The following KCTD3 variants were observed in gnomAD, a reference collection of about 807,000 sequenced individuals.
KCTD3 encodes the protein BTB/POZ domain-containing protein KCTD3.
In KCTD3, 41 loss-of-function variants were observed where a neutral mutation model predicts 85.8. The ratio of observed to expected loss-of-function variants is 0.48; its 90% CI spans 0.37 to 0.62. The LOEUF is 0.62. Ranked by LOEUF, KCTD3 falls within the 20% of genes least tolerant of loss-of-function variation. The pLI is 0.00. For missense variants in KCTD3, 724 were observed against 989.9 expected (o/e 0.73, Z 3.60); for synonymous variants, 338 against 345.4 (o/e 0.98, Z 0.24).
intron 1 of KCTD3, among the ~76,000 whole-genome samples, chr1:215,572,727 C>A (rs1659414809): frequency 6.6e-6 from 1 of 152,216 alleles, no homozygotes; most frequent in African/African-American, 2.4e-5. Context: ...CATCCCTTAG[C>A]CATTTTGGCT....
chr1:215,577,770 T>C lies in KCTD3; in HGVS notation c.316+42T>C, dbSNP rs6669126. On this transcript the variant is annotated intron_variant, in intron 5 of 17. Transcript: ENST00000259154. ...TATTTGGTGTTTATGATTTGACTCA[T>C]GTATGAAAGTTGCCCTAAATGAAAT... 4.9e-3 allele frequency: 6,897 copies of C among 1,409,122 alleles called. 197 individuals carry two copies. In the African/African-American group the frequency reaches 0.073, roughly 15 times the overall value. 87.3% of individuals were successfully genotyped at this position (1,409,122 alleles called of 1,614,324 possible).
In KCTD3 at chr1:215,581,924, A is replaced by G. The variant is rs182346478; in HGVS notation, c.626+1925A>G. ...TATCAGTAAGTTACAAAACCTTTAA[A>G]AAAAGAGTAGTACAGTGAAGACCTG... On this transcript the variant is annotated intron_variant, in intron 8 of 17. Transcript: ENST00000259154. Among the ~76,000 whole-genome samples, 40 of 152,360 alleles carry G rather than the reference A, an allele frequency of 2.6e-4. No homozygotes were observed. In the East Asian group the frequency reaches 6.6e-3, roughly 25 times the overall value.
intron 15 of KCTD3, chr1:215,618,681 G>A: frequency 4.5e-6 from 2 of 443,046 alleles, no homozygotes; most frequent in Non-Finnish European, 7.9e-6. Context: ...CCTAATGATG[G>A]ATACAATATG....
intron 8 of KCTD3, among the ~76,000 whole-genome samples, chr1:215,586,293 A>G (rs1660004289): frequency 6.6e-6 from 1 of 152,194 alleles, no homozygotes; most frequent in Non-Finnish European, 1.5e-5. Context: ...GTATGCAAGT[A>G]TACAATACCC....
Position 215,620,872 on chromosome 1 carries a change from G to T in KCTD3, c.*254G>T, listed in dbSNP as rs1655660811. The T allele has an allele frequency of 2.3e-6, 1 of 432,060 alleles. No individual in the cohort carries two copies. Among genetic ancestry groups the T allele is most frequent in the Non-Finnish European group, 4.1e-6 (1 of 246,824 alleles). 26.8% of individuals were successfully genotyped at this position (432,060 alleles called of 1,614,324 possible). On this transcript the variant is annotated 3_prime_UTR_variant, in exon 18 of 18. Transcript: ENST00000259154. ...GCAGGAGTCCATTTTAACACTTACC[G>T]ACTTTTTTTGGTTTGGAAACATATT...
At chr1:215,585,250 CAAAT>C (rs2102568608) in intron 8 of KCTD3, among the ~76,000 whole-genome samples, 1 of 152,268 alleles carries the variant, frequency 6.6e-6, no homozygotes, top group Admixed American at 6.5e-5. Context: ...TTTATCTTAA[CAAAT>C]GAATCCCATC....
intron 8 of KCTD3, among the ~76,000 whole-genome samples, chr1:215,584,941 TGCAAAATCTCGAAA>T (rs1659952999): frequency 6.6e-6 from 1 of 152,208 alleles, no homozygotes; most frequent in Admixed American, 6.6e-5. Context: ...TGTTAAAAGC[TGCAAAATCTCGAAA>T]GAAAAGTGTT....
In KCTD3 at chr1:215,595,256, G is replaced by T. The variant is rs988243086; in HGVS notation, c.818-100G>T. The T allele has an allele frequency of 2.1e-5, 15 of 719,278 alleles. No individual in the cohort carries two copies. The Admixed American group carries it at 3.4e-4, about 16-fold the overall frequency. 44.6% of individuals were successfully genotyped at this position (719,278 alleles called of 1,614,324 possible). On this transcript the variant is annotated intron_variant, in intron 9 of 17. Coordinates refer to ENST00000259154, the MANE Select transcript of KCTD3 (RefSeq NM_016121.5). ...TATAGCACATAGTTTGTAGTAATGA[G>T]AATATAAATTAGTCACCTTTAAGAT...
chr1:215,569,669 CA>C (rs1286221703), intron 1 of KCTD3, among the ~76,000 whole-genome samples: 5 of 149,688 alleles, frequency 3.3e-5, no homozygotes, highest in Admixed American at 6.7e-5. Flanking sequence ...GATCTCGGCT[CA>C]CTGCAAGCTC....
chr1:215,586,719 G>T (rs1292639991), intron 9 of KCTD3, 34 bp downstream of exon 9: 2 of 1,550,296 alleles, frequency 1.3e-6, no homozygotes, highest in Admixed American at 1.7e-5. Flanking sequence ...GCAATTTGAT[G>T]ATATTAATAT....
chr1:215,620,575 G>A lies in KCTD3; in HGVS notation c.2405G>A (p.Arg802Gln), dbSNP rs980039533. The change falls in exon 18 of 18, where the codon CGG becomes CAG. Residue 802 changes from arginine (R) to glutamine (Q), a missense_variant. Coordinates refer to ENST00000259154, the MANE Select transcript of KCTD3 (RefSeq NM_016121.5). ...CCTACAAAGACTACTCCATCTCCTC[G>A]GCATAAAAAAAGTGATTCTTCAGGT... ...PSPTKTTPSP[R>Q]HKKSDSSGQE... 9 of 1,605,954 alleles carry A rather than the reference G, an allele frequency of 5.6e-6. No individual in the cohort carries two copies. The highest frequency in any genetic ancestry group is 5.2e-5 in the Admixed American group (3 of 58,048).
rs1271996303 is a variant in KCTD3 at position 215,567,599 on chromosome 1, C to T, written c.-87C>T. 5 of 809,798 alleles carry T rather than the reference C, an allele frequency of 6.2e-6. No homozygotes were observed. Among genetic ancestry groups the T allele is most frequent in the African/African-American group, 1.8e-5 (1 of 56,120 alleles). 50.2% of individuals were successfully genotyped at this position (809,798 alleles called of 1,614,324 possible). A position where few individuals can be genotyped will look rare whatever the true frequency, so the allele number is the denominator to read the frequency against. On this transcript the variant is annotated 5_prime_UTR_variant, in exon 1 of 18. Coordinates refer to ENST00000259154, the MANE Select transcript of KCTD3 (RefSeq NM_016121.5). ...CGCCGCCGCCCCGCTGGCCCTGCAG[C>T]CGTCGCCGCTGCCTCGGGCTACAGC... is the stretch of plus-strand genomic sequence containing the variant.
At chr1:215,611,268 T>G (rs1655227862) in intron 14 of KCTD3, among the ~76,000 whole-genome samples, 1 of 152,008 alleles carries the variant, frequency 6.6e-6, no homozygotes, top group African/African-American at 2.4e-5. Context: ...CTTCATACTG[T>G]GTTTTTCTCT....
At chr1:215,576,516 C>T (rs1462823249) in intron 4 of KCTD3, among the ~76,000 whole-genome samples, 1 of 152,144 alleles carries the variant, frequency 6.6e-6, no homozygotes, top group East Asian at 1.9e-4. Context: ...TTTGAGGCTG[C>T]AGTGAGTTAT....
At chr1:215,577,308 C>T (rs895148767) in intron 4 of KCTD3, among the ~76,000 whole-genome samples, 3 of 151,928 alleles carry the variant, frequency 2.0e-5, no homozygotes, top group East Asian at 1.9e-4. Flanking sequence ...GAAATAATTG[C>T]GATAAAAAGT....
chr1:215,595,600 G>GAAAAAA, intron 10 of KCTD3, 129 bp downstream of exon 10: 1 of 580,402 alleles, frequency 1.7e-6, no homozygotes, highest in Non-Finnish European at 3.0e-6. Flanking sequence ...AAATGTAGTG[G>GAAAAAA]TAAATTTTTT....
At chr1:215,610,893 A>G (rs764059999) in intron 14 of KCTD3, among the ~76,000 whole-genome samples, 14 of 152,010 alleles carry the variant, frequency 9.2e-5, no homozygotes, top group Non-Finnish European at 1.5e-4. Flanking sequence ...CAGTGTAAGT[A>G]TTAGCTAATA....
chr1:215,593,015 C>T (rs984877390), intron 9 of KCTD3, among the ~76,000 whole-genome samples: 6 of 152,242 alleles, frequency 3.9e-5, no homozygotes, highest in Middle Eastern at 3.4e-3. Context: ...CTGGAGTAAT[C>T]GATGTTAGTT....
intron 12 of KCTD3, 117 bp downstream of exon 12, chr1:215,602,318 A>C: frequency 3.5e-6 from 2 of 572,826 alleles, no homozygotes; most frequent in Middle Eastern, 4.3e-4. Context: ...GCAGTGCCTA[A>C]GGATTTCATC....
Sources: allele counts gnomAD v4.1 joint callset (sites outside exome capture counted in the v4.1 genomes callset), GRCh38; gene constraint gnomAD v4.1.1; transcripts MANE v1.5; gene names NCBI Gene and HGNC (gene_info 2026-07-23, HGNC 2026-07-21).